Variants in ZNF385B observed in about 807,000 individuals in gnomAD.
ZNF385B encodes the protein zinc finger protein 533.
ZNF385B carries 23 observed loss-of-function variants against 39.2 expected under a neutral mutation model. The observed-to-expected ratio is 0.59, with a 90% CI of 0.42 to 0.83. ZNF385B has a LOEUF of 0.83. ZNF385B is among the 40% of genes least tolerant of loss of function. The pLI, the probability that ZNF385B is intolerant of heterozygous loss-of-function variation, is 0.00. For synonymous variants in ZNF385B, 205 were observed against 222.6 expected (o/e 0.92, Z 0.70); for missense variants, 552 against 598.9 (o/e 0.92, Z 0.82).
At chr2:179,453,811 A>G (rs2050398234) in intron 6 of ZNF385B, among the ~76,000 whole-genome samples, 1 of 152,096 alleles carries the variant, frequency 6.6e-6, no homozygotes, top group African/African-American at 2.4e-5. Flanking sequence ...TAGTGGCACA[A>G]GCTGAGGAAG....
intron 1 of ZNF385B, among the ~76,000 whole-genome samples, chr2:179,775,607 A>G (rs937882482): frequency 6.6e-6 from 1 of 152,210 alleles, no homozygotes; most frequent in Non-Finnish European, 1.5e-5. Context: ...GGATTATTTG[A>G]CATCAATGGC....
At chr2:179,798,767 A>G (rs1250679904) in intron 1 of ZNF385B, among the ~76,000 whole-genome samples, 1 of 152,116 alleles carries the variant, frequency 6.6e-6, no homozygotes, top group Non-Finnish European at 1.5e-5. Context: ...TCCGTGTGGT[A>G]TGCCATGTAC....
intron 3 of ZNF385B, among the ~76,000 whole-genome samples, chr2:179,765,459 G>A (rs113512063): frequency 6.0e-4 from 92 of 152,264 alleles, no homozygotes; most frequent in African/African-American, 2.0e-3. Flanking sequence ...CAGTGTTTAT[G>A]GCCTGGCTGT....
At chr2:179,455,782 C>T (rs2050628702) in intron 6 of ZNF385B, among the ~76,000 whole-genome samples, 1 of 150,896 alleles carries the variant, frequency 6.6e-6, no homozygotes, top group South Asian at 2.1e-4. Context: ...ATCCCAGCTA[C>T]TTGGGAGCCT....
intron 2 of ZNF385B, 34 bp from the exon 3 acceptor site, chr2:179,769,836 A>G: frequency 6.5e-7 from 1 of 1,539,988 alleles, no homozygotes; most frequent in Non-Finnish European, 8.8e-7. Flanking sequence ...TGCTTCTGAA[A>G]TGATATATGC....
intron 6 of ZNF385B, among the ~76,000 whole-genome samples, chr2:179,455,503 A>G (rs1324296192): frequency 6.6e-6 from 1 of 152,052 alleles, no homozygotes; most frequent in Non-Finnish European, 1.5e-5. Flanking sequence ...GAAGAAGGGC[A>G]TGTTTGTTTC....
intron 3 of ZNF385B, among the ~76,000 whole-genome samples, chr2:179,580,576 AGGTGGGCCC>A (rs1306195676): frequency 1.3e-5 from 2 of 152,200 alleles, no homozygotes; most frequent in African/African-American, 4.8e-5. Flanking sequence ...GAGGTAATAA[AGGTGGGCCC>A]TAATCTAATA....
At chr2:179,797,160 T>C (rs1180907590) in intron 1 of ZNF385B, among the ~76,000 whole-genome samples, 2 of 152,172 alleles carry the variant, frequency 1.3e-5, no homozygotes, top group East Asian at 1.9e-4. Context: ...CCATCTTAAG[T>C]ACACTTTTAT....
intron 3 of ZNF385B, among the ~76,000 whole-genome samples, chr2:179,608,542 C>T (rs1689014343): frequency 6.6e-6 from 1 of 152,084 alleles, no homozygotes; most frequent in South Asian, 2.1e-4. Flanking sequence ...TTATCTTTTC[C>T]CCTATTTTTA....
chr2:179,707,798 G>A (rs1354177048), intron 3 of ZNF385B, among the ~76,000 whole-genome samples: 1 of 152,218 alleles, frequency 6.6e-6, no homozygotes, highest in Non-Finnish European at 1.5e-5. Flanking sequence ...CAACAAATGT[G>A]TTATGACCTG....
chr2:179,562,275 A>G (rs986137982), intron 3 of ZNF385B: 5 of 673,966 alleles, frequency 7.4e-6, no homozygotes, highest in Non-Finnish European at 9.2e-6. Flanking sequence ...AGCAAATTCT[A>G]TTTGTCTTAA....
rs78023684 is a variant in ZNF385B, at chr2:179,844,103, C to T, written c.-155+16998G>A. On this transcript the variant is annotated intron_variant, in intron 1 of 9. Coordinates refer to ENST00000410066, the MANE Select transcript of ZNF385B (RefSeq NM_152520.6). ...ATAGCAGATCGGTCCAGAGATGATT[C>T]GTGATCCAAGTTGGTCTATTAGATA... is the stretch of plus-strand genomic sequence containing the variant. Among the ~76,000 whole-genome samples, 1,217 of 152,292 alleles carry T rather than the reference C, an allele frequency of 8.0e-3. 16 individuals are homozygous for T. The highest frequency in any genetic ancestry group is 0.027 in the African/African-American group (1,138 of 41,554).
At chr2:179,720,787 A>C (rs903694692) in intron 3 of ZNF385B, among the ~76,000 whole-genome samples, 3 of 152,002 alleles carry the variant, frequency 2.0e-5, no homozygotes. Context: ...ATTATTACAG[A>C]GTTTGCTCTG....
intron 1 of ZNF385B, among the ~76,000 whole-genome samples, chr2:179,825,438 ACTT>A (rs1457769671): frequency 9.9e-5 from 15 of 152,190 alleles, no homozygotes; most frequent in African/African-American, 3.6e-4. Context: ...TGGTCAAAGC[ACTT>A]CTTTTTTGAT....
chr2:179,518,531 T>C lies in ZNF385B; in HGVS notation c.549A>G (p.Ser183=), dbSNP rs751993452. The part of the protein sequence containing the change: ...SCNVCQLRFN[S]DSQAEAHYKG... ...ATAATGAAAAGGTGATACTCACATC[T>C]GAGTTAAAGCGAAGCTGACAGACAT... is the stretch of plus-strand genomic sequence containing the variant. The change falls in exon 5 of 10, where the codon TCA becomes TCG. Residue 183 remains serine, a synonymous_variant. Coordinates refer to ENST00000410066, the MANE Select transcript of ZNF385B (RefSeq NM_152520.6). 3.1e-6 allele frequency: 5 copies of C among 1,595,282 alleles called. No homozygotes were observed. In the African/African-American group the frequency reaches 6.8e-5, roughly 22 times the overall value.
chr2:179,477,761 A>G (rs761798225), intron 6 of ZNF385B, among the ~76,000 whole-genome samples: 6 of 149,694 alleles, frequency 4.0e-5, no homozygotes, highest in Non-Finnish European at 5.9e-5. Context: ...ATTTACCTAA[A>G]ATGAGTGCTG....
chr2:179,537,982 GA>G (rs2059692217), intron 4 of ZNF385B, among the ~76,000 whole-genome samples: 4 of 151,782 alleles, frequency 2.6e-5, no homozygotes, highest in Admixed American at 1.3e-4. Flanking sequence ...AGTAACCATG[GA>G]AAATTTCATC....
At chr2:179,839,367 T>C (rs1233027356) in intron 1 of ZNF385B, among the ~76,000 whole-genome samples, 1 of 152,168 alleles carries the variant, frequency 6.6e-6, no homozygotes, top group Non-Finnish European at 1.5e-5. Flanking sequence ...TAATTTTTAT[T>C]AGTCAATGGA....
chr2:179,827,818 C>T (rs755857542), intron 1 of ZNF385B, among the ~76,000 whole-genome samples: 8 of 152,174 alleles, frequency 5.3e-5, no homozygotes, highest in Non-Finnish European at 8.8e-5. Context: ...TAGCTAGCAT[C>T]AAGATCGACA....
Sources: gnomAD v4.1 joint callset for allele counts (sites outside exome capture counted in the v4.1 genomes callset) on GRCh38, gnomAD v4.1.1 for gene constraint, MANE v1.5 for transcripts, NCBI Gene and HGNC (gene_info 2026-07-23, HGNC 2026-07-21) for gene names.